The following NRXN1 variants were observed in gnomAD, a reference collection of about 807,000 sequenced individuals.
The protein encoded by NRXN1 is neurexin 1.
In NRXN1, 39 loss-of-function variants were observed where a neutral mutation model predicts 150.9. That is an observed-to-expected ratio of 0.26 (90% confidence interval 0.20 to 0.34). The LOEUF is 0.34. NRXN1 is among the 10% of genes least tolerant of loss of function. The pLI is 1.00. For synonymous variants in NRXN1, 924 were observed against 757.0 expected, an observed-to-expected ratio of 1.22 and a Z score of -3.62; for missense variants, 1,815 against 1,949.9, an observed-to-expected ratio of 0.93 and a Z score of 1.30.
At chr2:49,993,517 T>C (rs1266962817) in intron 21 of NRXN1, among the ~76,000 whole-genome samples, 1 of 152,192 alleles carries the variant, frequency 6.6e-6, no homozygotes, top group African/African-American at 2.4e-5. Context: ...ATCCACAGAA[T>C]GTACGACATT....
At chr2:49,960,321 CTATT>C (rs543452606) in intron 21 of NRXN1, among the ~76,000 whole-genome samples, 6 of 152,048 alleles carry the variant, frequency 3.9e-5, no homozygotes, top group African/African-American at 1.2e-4. Context: ...CCACAAAATT[CTATT>C]TATTTATTTA....
At chr2:50,711,052 G>A (rs1186160594) in intron 5 of NRXN1, among the ~76,000 whole-genome samples, 1 of 152,042 alleles carries the variant, frequency 6.6e-6, no homozygotes, top group Non-Finnish European at 1.5e-5. Context: ...ATATAAAATA[G>A]AAACTTCTGT....
chr2:50,952,647 G>C (rs957768943), intron 2 of NRXN1, among the ~76,000 whole-genome samples: 1 of 152,176 alleles, frequency 6.6e-6, no homozygotes. Flanking sequence ...GAAGAGCAAA[G>C]TGCCTCTGAT....
intron 21 of NRXN1, among the ~76,000 whole-genome samples, chr2:49,994,833 T>C (rs910173129): frequency 6.6e-6 from 1 of 152,244 alleles, no homozygotes; most frequent in African/African-American, 2.4e-5. Flanking sequence ...TTCTAGAAGT[T>C]AATAAACAGG....
chr2:50,965,843 C>T (rs190865267), intron 2 of NRXN1, among the ~76,000 whole-genome samples: 51 of 151,570 alleles, frequency 3.4e-4, no homozygotes, highest in African/African-American at 1.2e-3. Flanking sequence ...AAAATTGACC[C>T]TAGTGTTCAT....
chr2:50,131,105 T>C (rs1705415934), intron 18 of NRXN1, among the ~76,000 whole-genome samples: 1 of 152,212 alleles, frequency 6.6e-6, no homozygotes, highest in African/African-American at 2.4e-5. Flanking sequence ...CTCAGATTAT[T>C]AGGAAGCAAA....
Position 50,720,675 on chromosome 2 carries a change from A to T in NRXN1, c.833-97060T>A, listed in dbSNP as rs146782196. On this transcript the variant is annotated intron_variant, in intron 5 of 22. Coordinates refer to ENST00000401669, the MANE Select transcript of NRXN1 (RefSeq NM_001330078.2). ...AACCACTCTTCCCAGTTTCTCTGAG[A>T]TCTCCTGCATGTCCAAAGACACTCA... Among the ~76,000 whole-genome samples, 1,506 of 152,300 alleles carry T rather than the reference A, an allele frequency of 9.9e-3. 30 individuals carry two copies. Among genetic ancestry groups the T allele is most frequent in the African/African-American group, 0.034 (1,414 of 41,544 alleles).
At chr2:50,320,312 A>ATATATATATATATATGTG (rs1558519086) in intron 17 of NRXN1, among the ~76,000 whole-genome samples, 26 of 125,348 alleles carry the variant, frequency 2.1e-4, no homozygotes, top group African/African-American at 8.2e-4. Context: ...ATATATATAT[A>ATATATATATATATATGTG]TATATATATA....
intron 5 of NRXN1, among the ~76,000 whole-genome samples, chr2:50,650,010 C>T (rs899745872): frequency 1.3e-5 from 2 of 152,038 alleles, no homozygotes; most frequent in Non-Finnish European, 2.9e-5. Context: ...TATCCCCCAG[C>T]TGTTTCTGTC....
intron 17 of NRXN1, among the ~76,000 whole-genome samples, chr2:50,245,109 T>C (rs1267239837): frequency 3.3e-5 from 5 of 151,932 alleles, no homozygotes; most frequent in Non-Finnish European, 7.4e-5. Flanking sequence ...ACTTATTATT[T>C]TCCTGGCAAA....
chr2:50,769,914 C>T (rs1574415588), intron 5 of NRXN1, among the ~76,000 whole-genome samples: 1 of 151,022 alleles, frequency 6.6e-6, no homozygotes, highest in South Asian at 2.1e-4. Flanking sequence ...CAATGCTGAA[C>T]AAATAATGTT....
intron 9 of NRXN1, among the ~76,000 whole-genome samples, chr2:50,551,080 G>A (rs189744142): frequency 0.088 from 4,741 of 53,828 alleles, 114 homozygotes; most frequent in East Asian, 0.27. Context: ...AAGAAGAGGA[G>A]GAGGAGGAGG....
intron 21 of NRXN1, among the ~76,000 whole-genome samples, chr2:50,003,977 A>G (rs772553922): frequency 2.6e-5 from 4 of 152,166 alleles, no homozygotes; most frequent in African/African-American, 9.6e-5. Context: ...ATACAACATA[A>G]TAATTCAAAC....
At chr2:50,183,284 T>C (rs1237080090) in intron 18 of NRXN1, among the ~76,000 whole-genome samples, 1 of 152,042 alleles carries the variant, frequency 6.6e-6, no homozygotes, top group African/African-American at 2.4e-5. Context: ...GGTTTGAAAG[T>C]TAATTTCAAA....
intron 12 of NRXN1, among the ~76,000 whole-genome samples, chr2:50,527,925 T>C (rs1373683551): frequency 2.0e-5 from 3 of 152,204 alleles, no homozygotes; most frequent in South Asian, 2.1e-4. Context: ...AGCATTTATG[T>C]ACAGAAATAA....
chr2:50,043,006 A>G (rs765151895), intron 21 of NRXN1, among the ~76,000 whole-genome samples: 1 of 152,162 alleles, frequency 6.6e-6, no homozygotes, highest in Non-Finnish European at 1.5e-5. Context: ...AAATAGGAAC[A>G]CTGCTGGCAG....
intron 15 of NRXN1, 140 bp from the exon 16 acceptor site, chr2:50,472,611 A>ACAATAGAGAC: frequency 1.6e-6 from 1 of 623,342 alleles, no homozygotes; most frequent in Non-Finnish European, 2.7e-6. Flanking sequence ...TTTTCCCCAA[A>ACAATAGAGAC]GTGCTAAACA....
At chr2:50,086,437 C>A (rs1698781542) in intron 19 of NRXN1, among the ~76,000 whole-genome samples, 2 of 152,088 alleles carry the variant, frequency 1.3e-5, no homozygotes, top group Admixed American at 6.6e-5. Flanking sequence ...ATTGCATGAT[C>A]ACGAGAAAAG....
At chr2:50,884,013 T>C (rs72823540) in intron 5 of NRXN1, among the ~76,000 whole-genome samples, 5,279 of 151,850 alleles carry the variant, frequency 0.035, 175 homozygotes, top group East Asian at 0.079. Context: ...ACTGAGTTTG[T>C]GAAAATTCAT....
Sources: allele counts gnomAD v4.1 joint callset (sites outside exome capture counted in the v4.1 genomes callset), GRCh38; gene constraint gnomAD v4.1.1; transcripts MANE v1.5; gene names NCBI Gene and HGNC (gene_info 2026-07-23, HGNC 2026-07-21).